CTNNA3: variants seen among roughly 807,000 people sequenced by gnomAD.
CTNNA3 encodes catenin alpha 3, also known as catenin alpha-3.
CTNNA3 carries 76 observed loss-of-function variants against 95.7 expected under a neutral mutation model. The ratio of observed to expected loss-of-function variants is 0.79; its 90% CI spans 0.66 to 0.96. The LOEUF (loss-of-function observed/expected upper bound fraction) is 0.96, where lower values mean the gene tolerates loss of function less well. Among genes scored for constraint, CTNNA3 ranks in the 40% least tolerant of loss-of-function variants. The pLI is 0.00. For missense variants in CTNNA3, 1,191 were observed against 1,089.8 expected (o/e 1.09, Z -1.31); for synonymous variants, 431 against 374.4 (o/e 1.15, Z -1.74).
At chr10:67,346,234 G>A (rs567692021) in intron 5 of CTNNA3, among the ~76,000 whole-genome samples, 1 of 151,996 alleles carries the variant, frequency 6.6e-6, no homozygotes, top group Non-Finnish European at 1.5e-5. Flanking sequence ...GGCTCATCCT[G>A]TAGTCTTTCC....
chr10:67,224,962 G>C (rs920607162), intron 5 of CTNNA3, among the ~76,000 whole-genome samples: 15 of 152,204 alleles, frequency 9.9e-5, no homozygotes, highest in African/African-American at 3.6e-4. Context: ...GAAGGTGGCA[G>C]GCAGGTAGCC....
At chr10:65,935,950 A>C (rs929848684) in intron 17 of CTNNA3, among the ~76,000 whole-genome samples, 1 of 152,138 alleles carries the variant, frequency 6.6e-6, no homozygotes, top group African/African-American at 2.4e-5. Flanking sequence ...GGTCTGTGGA[A>C]TAGACAGTCA....
At chr10:66,959,508 G>C (rs1329144995) in intron 7 of CTNNA3, among the ~76,000 whole-genome samples, 2 of 152,164 alleles carry the variant, frequency 1.3e-5, no homozygotes, top group Non-Finnish European at 2.9e-5. Flanking sequence ...TCAGTCCCCT[G>C]AGTTCTAAGG....
At chr10:67,024,925 GTTT>G (rs1411396855) in intron 7 of CTNNA3, among the ~76,000 whole-genome samples, 2 of 152,050 alleles carry the variant, frequency 1.3e-5, no homozygotes, top group Non-Finnish European at 2.9e-5. Context: ...GAGGTCCGGA[GTTT>G]GAGACCAGCC....
intron 7 of CTNNA3, among the ~76,000 whole-genome samples, chr10:66,847,131 A>G (rs1843310630): frequency 1.3e-5 from 2 of 152,130 alleles, no homozygotes; most frequent in Non-Finnish European, 2.9e-5. Context: ...CTTGCCTGAC[A>G]TTTTATGTTT....
intron 5 of CTNNA3, among the ~76,000 whole-genome samples, chr10:67,299,685 CCA>C (rs1840191248): frequency 6.6e-6 from 1 of 152,184 alleles, no homozygotes; most frequent in Non-Finnish European, 1.5e-5. Flanking sequence ...TAAATCAGGA[CCA>C]CACAGTTTCC....
Position 66,129,484 on chromosome 10 carries a change from G to T in CTNNA3, c.1885-26235C>A, listed in dbSNP as rs2082984991. On this transcript the variant is annotated intron_variant, in intron 13 of 17. Transcript: ENST00000433211. ...GATTGTCTGTAGTGCAGCATGGCCA[G>T]GGACACCCATCACCTTAAGCTCGAC... 2.6e-5 allele frequency among the ~76,000 whole-genome samples: 4 copies of T among 152,122 alleles called. No homozygotes were observed. The South Asian group carries it at 8.3e-4, about 31-fold the overall frequency.
intron 11 of CTNNA3, among the ~76,000 whole-genome samples, chr10:66,423,661 A>G (rs530195199): frequency 5.3e-5 from 8 of 152,230 alleles, no homozygotes; most frequent in Non-Finnish European, 1.5e-5. Flanking sequence ...CTGATCAGAG[A>G]CATTACAACC....
intron 9 of CTNNA3, among the ~76,000 whole-genome samples, chr10:66,714,009 G>T (rs10997344): frequency 0.032 from 4,912 of 152,008 alleles, 213 homozygotes; most frequent in East Asian, 0.22. Context: ...AGAATATAAT[G>T]AAGTAAAAAT....
intron 15 of CTNNA3, among the ~76,000 whole-genome samples, chr10:66,044,176 C>T (rs1423173191): frequency 6.6e-6 from 1 of 152,050 alleles, no homozygotes; most frequent in Non-Finnish European, 1.5e-5. Context: ...ATCTTTAGTA[C>T]AGACGGAGTT....
chr10:66,368,725 AC>A (rs1365470123), intron 12 of CTNNA3, among the ~76,000 whole-genome samples: 8 of 152,154 alleles, frequency 5.3e-5, no homozygotes, highest in Non-Finnish European at 1.2e-4. Flanking sequence ...TAAATAAATA[AC>A]ATAGGGGAGA....
intron 2 of CTNNA3, among the ~76,000 whole-genome samples, chr10:67,627,659 C>A (rs1257224463): frequency 6.6e-6 from 1 of 152,058 alleles, no homozygotes; most frequent in African/African-American, 2.4e-5. Context: ...ATTTTGACAT[C>A]TTGTTCTTAT....
intron 5 of CTNNA3, among the ~76,000 whole-genome samples, chr10:67,370,982 T>C (rs1219584820): frequency 6.7e-6 from 1 of 148,618 alleles, no homozygotes; most frequent in Non-Finnish European, 1.5e-5. Context: ...TTCTCCTGCC[T>C]CAGCCTCCCA....
intron 5 of CTNNA3, among the ~76,000 whole-genome samples, chr10:67,267,863 A>C (rs935073113): frequency 2.0e-5 from 3 of 152,170 alleles, no homozygotes; most frequent in African/African-American, 7.2e-5. Context: ...GGTAAAAGTG[A>C]AAATTAAATG....
At chr10:67,217,185 A>G (rs4142751) in intron 6 of CTNNA3, among the ~76,000 whole-genome samples, 27,724 of 152,178 alleles carry the variant, frequency 0.18, 3,396 homozygotes, top group African/African-American at 0.34. Context: ...TCATAGTATT[A>G]TATTTGCAGG....
At chr10:66,252,974 C>G (rs1427647272) in intron 13 of CTNNA3, among the ~76,000 whole-genome samples, 1 of 152,114 alleles carries the variant, frequency 6.6e-6, no homozygotes, top group African/African-American at 2.4e-5. Context: ...TGCCTAAAGT[C>G]TCAGTTGAAG....
intron 7 of CTNNA3, among the ~76,000 whole-genome samples, chr10:66,967,827 C>A (rs1849519776): frequency 1.3e-5 from 2 of 151,900 alleles, no homozygotes; most frequent in Admixed American, 1.3e-4. Context: ...AATATATCCC[C>A]TCGAAAGGTT....
intron 10 of CTNNA3, among the ~76,000 whole-genome samples, chr10:66,595,802 A>AATTTATTT (rs530253652): frequency 4.6e-5 from 7 of 151,400 alleles, no homozygotes; most frequent in Admixed American, 2.0e-4. Flanking sequence ...GTACTTAGCT[A>AATTTATTT]ATTTATTTAT....
chr10:66,126,911 A>T (rs1437110044), intron 13 of CTNNA3, among the ~76,000 whole-genome samples: 1 of 152,134 alleles, frequency 6.6e-6, no homozygotes, highest in East Asian at 1.9e-4. Flanking sequence ...CAAGGAGCGG[A>T]AAATAACTTC....
Sources: gnomAD v4.1 joint callset for allele counts (sites outside exome capture counted in the v4.1 genomes callset) on GRCh38, gnomAD v4.1.1 for gene constraint, MANE v1.5 for transcripts, NCBI Gene and HGNC (gene_info 2026-07-23, HGNC 2026-07-21) for gene names.